CD2: variants seen among roughly 807,000 people sequenced by gnomAD.
CD2 encodes the protein CD2 molecule.
A neutral mutation model predicts 23.2 loss-of-function variants in CD2; 18 were observed. The ratio of observed to expected loss-of-function variants is 0.77; its 90% CI spans 0.54 to 1.15. The LOEUF (loss-of-function observed/expected upper bound fraction) is 1.15. CD2 is among the 50% of genes most tolerant of loss of function. The pLI is 0.00. For missense variants in CD2, 424 were observed against 423.1 expected, an observed-to-expected ratio of 1.00 and a Z score of -0.02; for synonymous variants, 162 against 151.9, an observed-to-expected ratio of 1.07 and a Z score of -0.49.
At chr1:116,756,642 C>G (rs1651858817) in intron 2 of CD2, among the ~76,000 whole-genome samples, 1 of 152,028 alleles carries the variant, frequency 6.6e-6, no homozygotes, top group Non-Finnish European at 1.5e-5. Flanking sequence ...ACTAAAATGG[C>G]CTTCAGTATA....
intron 3 of CD2, among the ~76,000 whole-genome samples, chr1:116,762,116 C>T (rs1409156084): frequency 6.6e-6 from 1 of 152,314 alleles, no homozygotes; most frequent in East Asian, 1.9e-4. Flanking sequence ...AGGCATGAGT[C>T]ACTGCAGTGG....
intron 4 of CD2, 129 bp downstream of exon 4, chr1:116,764,735 G>C: frequency 1.4e-6 from 1 of 729,500 alleles, no homozygotes; most frequent in Non-Finnish European, 2.3e-6. Context: ...CAGGGTTGTA[G>C]TCAGCGGTTA....
chr1:116,754,722 T>A lies in CD2; in HGVS notation c.153T>A (p.Ser51Arg). ...TGGACATTCCTAGTTTTCAAATGAG[T>A]GATGATATTGACGATATAAAATGGG... Reference protein sequence around the residue: ...INLDIPSFQMSDDIDDIKWEK... With the variant: ...INLDIPSFQMRDDIDDIKWEK... Residue 51 changes from serine (S) to arginine (R), a missense_variant, in exon 2 of 5, where the codon AGT becomes AGA. Transcript: ENST00000369478. 1.9e-6 allele frequency: 3 copies of A among 1,613,020 alleles called. No individual in the cohort carries two copies. The highest frequency in any genetic ancestry group is 2.5e-6 in the Non-Finnish European group (3 of 1,179,524).
chr1:116,754,514 G>A lies in CD2; in HGVS notation c.22G>A (p.Val8Ile). ...TAAGATGAGCTTTCCATGTAAATTT[G>A]TAGCCAGCTTCCTTCTGATTTTCAA... The part of the protein sequence containing the change: MSFPCKF[V>I]ASFLLIFNVS... Residue 8 changes from valine (V) to isoleucine (I), a missense_variant, in exon 1 of 5, where the codon GTA (valine) becomes ATA (isoleucine). Physicochemically the swap from Val to Ile is conservative, Grantham distance 29. Transcript: ENST00000369478. The A allele has an allele frequency of 6.2e-7, 1 of 1,614,034 alleles. No individual in the cohort carries two copies. Among genetic ancestry groups the A allele is most frequent in the South Asian group, 1.1e-5 (1 of 91,044 alleles).
chr1:116,760,132 G>C (rs781000571), intron 2 of CD2, among the ~76,000 whole-genome samples: 7 of 152,134 alleles, frequency 4.6e-5, no homozygotes, highest in Non-Finnish European at 1.0e-4. Context: ...TCATATATGT[G>C]AAAGCATTTT....
rs191246213 is a variant in CD2, at chr1:116,755,006, T to C, written c.382+55T>C. 1.2e-3 allele frequency: 1,535 copies of C among 1,262,930 alleles called. 2 individuals carry two copies. The highest frequency in any genetic ancestry group is 3.3e-3 in the Admixed American group (157 of 47,410). The allele number at this position is 1,262,930 out of a possible 1,614,324, so 78.2% of individuals were successfully genotyped here. ...TTCAGTGTGGGTGCTATTTGGCAAG[T>C]TGGAAAATAGCATTTCTAATATTCC... is the stretch of plus-strand genomic sequence containing the variant. On this transcript the variant is annotated intron_variant, in intron 2 of 4. Coordinates refer to ENST00000369478, the MANE Select transcript of CD2 (RefSeq NM_001767.5).
In CD2 at chr1:116,754,735, G is replaced by C; in HGVS notation, c.166G>C (p.Asp56His). The C allele has an allele frequency of 6.2e-7, 1 of 1,613,160 alleles. No individual in the cohort carries two copies. The highest frequency in any genetic ancestry group is 8.5e-7 in the Non-Finnish European group (1 of 1,179,488). Residue 56 changes from aspartate to histidine, a missense_variant, in exon 2 of 5, where the codon GAT becomes CAT. Asp to His is a moderately conservative substitution (Grantham distance 81, BLOSUM62 -1). Transcript: ENST00000369478. ...TTTTCAAATGAGTGATGATATTGAC[G>C]ATATAAAATGGGAAAAAACTTCAGA... ...PSFQMSDDIDDIKWEKTSDKK... is the reference protein window; with the variant it reads ...PSFQMSDDIDHIKWEKTSDKK...
intron 2 of CD2, among the ~76,000 whole-genome samples, chr1:116,756,094 A>T (rs1171126350): frequency 6.6e-6 from 1 of 152,008 alleles, no homozygotes; most frequent in African/African-American, 2.4e-5. Flanking sequence ...CAGATTGCCC[A>T]CTCCAGCAAT....
chr1:116,760,495 A>G lies in CD2; in HGVS notation c.476A>G (p.Tyr159Cys). ...MNGTDPELNL[Y>C]QDGKHLKLSQ... ...GGAACTGACCCCGAATTAAACCTGT[A>G]TCAAGATGGGAAACATCTAAAACTT... The change falls in exon 3 of 5, where the codon TAT becomes TGT. Residue 159 changes from tyrosine to cysteine, a missense_variant. Transcript: ENST00000369478. 1.9e-6 allele frequency: 3 copies of G among 1,614,206 alleles called. No homozygotes were observed. The highest frequency in any genetic ancestry group is 1.7e-5 in the Admixed American group (1 of 60,028).
At chr1:116,760,913 G>T (rs1652029067) in intron 3 of CD2, among the ~76,000 whole-genome samples, 1 of 152,196 alleles carries the variant, frequency 6.6e-6, no homozygotes, top group Non-Finnish European at 1.5e-5. Context: ...GAAGAAGGAG[G>T]AGCTGTAGAG....
intron 2 of CD2, among the ~76,000 whole-genome samples, chr1:116,755,962 G>A (rs1359136191): frequency 1.3e-5 from 2 of 152,134 alleles, no homozygotes; most frequent in Admixed American, 6.5e-5. Flanking sequence ...CATTCAGTGA[G>A]CAAATAAGCA....
At chr1:116,760,684 C>CCTCTGCCT in intron 3 of CD2, 52 bp downstream of exon 3, 2 of 1,384,726 alleles carry the variant, frequency 1.4e-6, no homozygotes, top group Non-Finnish European at 2.0e-6. Flanking sequence ...CCTCAGTAGG[C>CCTCTGCCT]AGAGGCATGC....
At chr1:116,755,462 G>C (rs1173033576) in intron 2 of CD2, among the ~76,000 whole-genome samples, 1 of 152,214 alleles carries the variant, frequency 6.6e-6, no homozygotes, top group African/African-American at 2.4e-5. Context: ...CTGCTTGTCA[G>C]AGTGATACAA....
At chr1:116,757,157 C>T (rs899916883) in intron 2 of CD2, among the ~76,000 whole-genome samples, 3 of 151,918 alleles carry the variant, frequency 2.0e-5, no homozygotes, top group South Asian at 2.1e-4. Flanking sequence ...CCACCACGTC[C>T]GGCTAATTTT....
chr1:116,768,781 TA>T lies in CD2; in HGVS notation c.*4del, dbSNP rs773822575. 2.5e-6 allele frequency: 4 copies of T among 1,604,348 alleles called. No homozygotes were observed. In the South Asian group the frequency reaches 4.5e-5, roughly 18 times the overall value. On this transcript the variant is annotated frameshift_variant and stop_lost, in exon 5 of 5. Coordinates refer to ENST00000369478, the MANE Select transcript of CD2 (RefSeq NM_001767.5). LOFTEE classifies it high-confidence loss of function. ...AAACTCATTGTCCCCTTCCTCTAAT[TA>T]AAAAAGATAGAAACTGTCTTTTTCA... ...AENSLSPSSN* is the reference protein window; with the variant it reads ...AENSLSPSSNX
intron 2 of CD2, among the ~76,000 whole-genome samples, chr1:116,758,486 C>G (rs1415954396): frequency 6.6e-6 from 1 of 152,102 alleles, no homozygotes; most frequent in Admixed American, 6.5e-5. Context: ...CCAGCAATCC[C>G]AGACACTGTC....
In CD2 at chr1:116,754,823, A is replaced by G. The variant is rs181664416; in HGVS notation, c.254A>G (p.Lys85Arg). The part of the protein sequence containing the change: ...KETFKEKDTY[K>R]LFKNGTLKIK... ...ACTTTCAAGGAAAAAGATACATATA[A>G]GCTATTTAAAAATGGAACTCTGAAA... Residue 85 changes from lysine (K) to arginine (R), a missense_variant, in exon 2 of 5, where the codon AAG (lysine) becomes AGG (arginine). By Grantham distance (26) the Lys-to-Arg change is conservative (BLOSUM62 2). Coordinates refer to ENST00000369478, the MANE Select transcript of CD2 (RefSeq NM_001767.5). The G allele has an allele frequency of 1.6e-5, 26 of 1,613,028 alleles. No homozygotes were observed. The East Asian group carries it at 5.6e-4, about 35-fold the overall frequency.
At chr1:116,765,245 G>A (rs914819054) in intron 4 of CD2, among the ~76,000 whole-genome samples, 1 of 152,200 alleles carries the variant, frequency 6.6e-6, no homozygotes, top group Non-Finnish European at 1.5e-5. Context: ...TCAGAGAATG[G>A]CCAACCCGGG....
At chr1:116,759,700 C>T (rs1651972500) in intron 2 of CD2, among the ~76,000 whole-genome samples, 1 of 152,218 alleles carries the variant, frequency 6.6e-6, no homozygotes, top group Admixed American at 6.5e-5. Flanking sequence ...TTCTGATGCT[C>T]TGAGGAGGGC....
Sources: gnomAD v4.1 joint callset for allele counts (sites outside exome capture counted in the v4.1 genomes callset) on GRCh38, gnomAD v4.1.1 for gene constraint, MANE v1.5 for transcripts, NCBI Gene and HGNC (gene_info 2026-07-23, HGNC 2026-07-21) for gene names.